ARF4: variants seen among roughly 807,000 people sequenced by gnomAD.
ARF4 encodes the protein ADP-ribosylation factor 4.
ARF4 carries 5 observed loss-of-function variants against 24.3 expected under a neutral mutation model. The observed-to-expected ratio is 0.21, with a 90% CI of 0.11 to 0.43. The LOEUF (loss-of-function observed/expected upper bound fraction) is 0.43, where lower values mean the gene tolerates loss of function less well. ARF4 is among the 20% of genes least tolerant of loss of function. The probability of loss-of-function intolerance (pLI) is 1.00; values close to 1 mark genes in which losing one functional copy is unlikely to be tolerated. For missense variants in ARF4, 107 were observed against 213.0 expected (o/e 0.50, Z 3.10); for synonymous variants, 62 against 73.5 (o/e 0.84, Z 0.80).
chr3:57,577,480 A>G (rs1378424314), intron 3 of ARF4, 93 bp from the exon 4 acceptor site: 10 of 928,904 alleles, frequency 1.1e-5, no homozygotes, highest in Non-Finnish European at 1.5e-5. Context: ...ATGGTTAGAC[A>G]TTAGGAAGAA....
At chr3:57,590,149 AAAG>A (rs2070094222) in intron 1 of ARF4, among the ~76,000 whole-genome samples, 1 of 113,174 alleles carries the variant, frequency 8.8e-6, no homozygotes, top group Non-Finnish European at 2.1e-5. Context: ...AAAAACAAAA[AAAG>A]AACATCTATA....
chr3:57,597,163 G>A lies in ARF4; in HGVS notation c.-23C>T, dbSNP rs1472807347. On this transcript the variant is annotated 5_prime_UTR_variant, in exon 1 of 6. Transcript: ENST00000303436. Reference sequence around the variant, plus strand: ...CATGGCGGTAGTGGCACTTGTGATGGGCAGAAGCAGAAGGGGTTTGGGGCG... The same window carrying A: ...CATGGCGGTAGTGGCACTTGTGATGAGCAGAAGCAGAAGGGGTTTGGGGCG... 2 of 1,607,734 alleles carry A rather than the reference G, an allele frequency of 1.2e-6. No homozygotes were observed. The highest frequency in any genetic ancestry group is 1.1e-5 in the South Asian group (1 of 90,890).
intron 3 of ARF4, among the ~76,000 whole-genome samples, chr3:57,579,692 G>A (rs946223858): frequency 6.6e-6 from 1 of 152,080 alleles, no homozygotes; most frequent in Non-Finnish European, 1.5e-5. Context: ...AATTTCCTTT[G>A]TTTTAGCAAA....
At chr3:57,579,935 C>T (rs369850772) in intron 3 of ARF4, among the ~76,000 whole-genome samples, 204 of 151,826 alleles carry the variant, frequency 1.3e-3, no homozygotes, top group Middle Eastern at 3.4e-3. Context: ...CCTGTCTCTA[C>T]GAAAAAAATT....
At chr3:57,593,161 G>C (rs368236530) in intron 1 of ARF4, among the ~76,000 whole-genome samples, 1 of 152,220 alleles carries the variant, frequency 6.6e-6, no homozygotes, top group African/African-American at 2.4e-5. Flanking sequence ...CTATGATCAT[G>C]CCACCTGTAT....
At position 57,597,247 on chromosome 3, in the gene ARF4, G is replaced by A; in HGVS notation, c.-107C>T. ...AACTAAACGAGAGGGAAGAGAAAGA[G>A]CGGAGGAAGAAAGAGGGAGGCAGAA... On this transcript the variant is annotated 5_prime_UTR_variant, in exon 1 of 6. Coordinates refer to ENST00000303436, the MANE Select transcript of ARF4 (RefSeq NM_001660.4). The A allele has an allele frequency of 1.8e-6, 2 of 1,133,332 alleles. No individual in the cohort carries two copies. Among genetic ancestry groups the A allele is most frequent in the South Asian group, 1.4e-5 (1 of 73,846 alleles). The allele number at this position is 1,133,332 out of a possible 1,614,324, so 70.2% of individuals were successfully genotyped here.
At chr3:57,591,471 CTT>C (rs368262212) in intron 1 of ARF4, among the ~76,000 whole-genome samples, 7 of 142,070 alleles carry the variant, frequency 4.9e-5, no homozygotes, top group Admixed American at 7.1e-5. Context: ...CTTTTCTTTT[CTT>C]TTTTTTTTTT....
intron 3 of ARF4, among the ~76,000 whole-genome samples, chr3:57,581,585 G>A (rs1418185896): frequency 6.6e-6 from 1 of 152,304 alleles, no homozygotes; most frequent in East Asian, 1.9e-4. Flanking sequence ...TGGATCACAT[G>A]AGGTCAGGAG....
intron 4 of ARF4, among the ~76,000 whole-genome samples, chr3:57,577,045 G>A (rs2069914123): frequency 6.7e-6 from 1 of 150,250 alleles, no homozygotes; most frequent in Non-Finnish European, 1.5e-5. Context: ...GATTACCCAT[G>A]AGGCATTCTA....
At chr3:57,586,957 A>ACACG (rs2070045745) in intron 1 of ARF4, among the ~76,000 whole-genome samples, 1 of 150,986 alleles carries the variant, frequency 6.6e-6, no homozygotes, top group Non-Finnish European at 1.5e-5. Context: ...ACACACACGC[A>ACACG]CACACACAAA....
intron 1 of ARF4, among the ~76,000 whole-genome samples, chr3:57,587,045 G>A (rs1384794232): frequency 6.6e-6 from 1 of 151,990 alleles, no homozygotes; most frequent in Non-Finnish European, 1.5e-5. Context: ...AAGGCCTGGC[G>A]CTGTGGCTCA....
intron 1 of ARF4, chr3:57,596,799 T>A: frequency 2.4e-6 from 1 of 418,130 alleles, no homozygotes. Context: ...TGCCCAATGT[T>A]GTCCAGCTTT....
At chr3:57,592,162 C>T (rs2070123763) in intron 1 of ARF4, among the ~76,000 whole-genome samples, 1 of 152,088 alleles carries the variant, frequency 6.6e-6, no homozygotes, top group African/African-American at 2.4e-5. Flanking sequence ...TGCTGCCATC[C>T]TGCCTTTAGG....
chr3:57,596,337 C>T (rs928806227), intron 1 of ARF4, among the ~76,000 whole-genome samples: 1 of 152,034 alleles, frequency 6.6e-6, no homozygotes, highest in African/African-American at 2.4e-5. Flanking sequence ...TGCATTAGAC[C>T]TTAGACCGCC....
chr3:57,580,788 T>A (rs1229885092), intron 3 of ARF4, among the ~76,000 whole-genome samples: 2 of 150,902 alleles, frequency 1.3e-5, no homozygotes, highest in South Asian at 2.1e-4. Context: ...TTTTTTTTTT[T>A]TAAATGTAAA....
chr3:57,575,673 G>A lies in ARF4; in HGVS notation c.331C>T (p.Leu111Phe). The change falls in exon 5 of 6, where the codon CTT becomes TTT. Residue 111 changes from leucine to phenylalanine, a missense_variant and splice_region_variant. Leu to Phe is a conservative substitution (Grantham distance 22). Transcript: ENST00000303436. ...QEVADELQKM[L>F]LVDELRDAVL... ...GCATCTCTCAATTCATCTACCAGAA[G>A]CTGGAAATAAAAGGTAAGGCATTAA... 1 of 1,605,500 alleles carries A rather than the reference G, an allele frequency of 6.2e-7. No individual in the cohort carries two copies. The highest frequency in any genetic ancestry group is 8.5e-7 in the Non-Finnish European group (1 of 1,177,134).
At chr3:57,584,875 G>A (rs866636591) in intron 1 of ARF4, among the ~76,000 whole-genome samples, 1 of 151,568 alleles carries the variant, frequency 6.6e-6, no homozygotes, top group Non-Finnish European at 1.5e-5. Flanking sequence ...AGGGGCAGGG[G>A]AGCGGGGGGA....
intron 5 of ARF4, among the ~76,000 whole-genome samples, chr3:57,574,402 G>A (rs1460882284): frequency 7.6e-6 from 1 of 131,150 alleles, no homozygotes; most frequent in Non-Finnish European, 1.6e-5. Flanking sequence ...TTTTAGAGAA[G>A]TACAAATTTT....
intron 2 of ARF4, 62 bp from the exon 3 acceptor site, chr3:57,584,069 G>T: frequency 8.6e-7 from 1 of 1,164,452 alleles, no homozygotes; most frequent in Non-Finnish European, 1.3e-6. Context: ...ACCTTTTATT[G>T]TGGAATTTTC....
Sources: allele counts gnomAD v4.1 joint callset (sites outside exome capture counted in the v4.1 genomes callset), GRCh38; gene constraint gnomAD v4.1.1; transcripts MANE v1.5; gene names NCBI Gene and HGNC (gene_info 2026-07-23, HGNC 2026-07-21).